Variants in ABCA13 observed in about 807,000 individuals in gnomAD.
The protein encoded by ABCA13 is ATP binding cassette subfamily A member 13.
A neutral mutation model predicts 478.7 loss-of-function variants in ABCA13; 476 were observed. The ratio of observed to expected loss-of-function variants is 0.99; its 90% CI spans 0.92 to 1.07. The LOEUF is 1.07. Among genes scored for constraint, ABCA13 ranks in the 50% least tolerant of loss-of-function variants. The probability of loss-of-function intolerance (pLI) is 0.00; values close to 1 mark genes in which losing one functional copy is unlikely to be tolerated. For synonymous variants in ABCA13, 2,252 were observed against 2,158.9 expected (o/e 1.04, Z -1.20); for missense variants, 6,060 against 5,910.6 (o/e 1.03, Z -0.83).
At chr7:48,191,659 C>T (rs567580819) in intron 1 of ABCA13, among the ~76,000 whole-genome samples, 47 of 152,306 alleles carry the variant, frequency 3.1e-4, no homozygotes, top group Non-Finnish European at 6.0e-4. Context: ...CCGTCTGCCT[C>T]GGCCTCCCAG....
chr7:48,203,409 G>A (rs12718306), intron 3 of ABCA13, among the ~76,000 whole-genome samples: 30,591 of 151,736 alleles, frequency 0.2, 3,338 homozygotes, highest in Middle Eastern at 0.26. Flanking sequence ...CACCAAAGTA[G>A]GAGCCCAGGC....
intron 55 of ABCA13, among the ~76,000 whole-genome samples, chr7:48,575,738 C>G (rs1163238074): frequency 1.3e-5 from 2 of 152,010 alleles, no homozygotes; most frequent in Non-Finnish European, 2.9e-5. Flanking sequence ...GCTTTTGGTA[C>G]AACATTTAAA....
At chr7:48,534,976 T>C (rs960153060) in intron 55 of ABCA13, among the ~76,000 whole-genome samples, 1 of 152,216 alleles carries the variant, frequency 6.6e-6, no homozygotes, top group Non-Finnish European at 1.5e-5. Context: ...CTTGGTTAGC[T>C]TAATAATTGA....
intron 14 of ABCA13, 98 bp downstream of exon 14, chr7:48,248,542 A>G (rs1792049448): frequency 2.0e-6 from 2 of 988,100 alleles, no homozygotes; most frequent in Non-Finnish European, 2.8e-6. Flanking sequence ...ATGGTAGATT[A>G]TATTTTGAAT....
Position 48,273,408 on chromosome 7 carries a change from C to G in ABCA13, c.3742C>G (p.Leu1248Val), listed in dbSNP as rs1300013661. ...LGNALVSVKK[L>V]NLEQVEKSLF... ...TAATGCATTAGTTTCAGTAAAAAAA[C>G]TTAACTTGGAGCAAGTGGAGAAATC... The change falls in exon 17 of 62, where the codon CTT becomes GTT. Residue 1248 changes from leucine to valine, a missense_variant. Transcript: ENST00000435803. 1.9e-6 allele frequency: 3 copies of G among 1,613,338 alleles called. No homozygotes were observed. In the African/African-American group the frequency reaches 4.0e-5, roughly 22 times the overall value.
intron 55 of ABCA13, among the ~76,000 whole-genome samples, chr7:48,563,051 C>T (rs1786631655): frequency 6.6e-6 from 1 of 151,738 alleles, no homozygotes; most frequent in African/African-American, 2.4e-5. Flanking sequence ...TTAGCATTTG[C>T]ATTTGGCATG....
At chr7:48,515,590 A>G (rs539435067) in intron 51 of ABCA13, among the ~76,000 whole-genome samples, 1 of 152,212 alleles carries the variant, frequency 6.6e-6, no homozygotes, top group African/African-American at 2.4e-5. Context: ...ATGTTCATCT[A>G]CTTATCACCT....
chr7:48,240,313 C>T (rs946835121), intron 9 of ABCA13, among the ~76,000 whole-genome samples: 1 of 152,188 alleles, frequency 6.6e-6, no homozygotes, highest in African/African-American at 2.4e-5. Flanking sequence ...GGTAACATAA[C>T]TCATGGTTAA....
In ABCA13 at chr7:48,178,988, T is replaced by C. The variant is rs879425711; in HGVS notation, c.69+7436T>C. Reference sequence around the variant, plus strand: ...GCAAAACAAAAACTAATAATAATAATAATAATAATAATAATAATAATAATA... The same window carrying C: ...GCAAAACAAAAACTAATAATAATAACAATAATAATAATAATAATAATAATA... On this transcript the variant is annotated intron_variant, in intron 1 of 61. Coordinates refer to ENST00000435803, the MANE Select transcript of ABCA13 (RefSeq NM_152701.5). Among the ~76,000 whole-genome samples the C allele has an allele frequency of 6.5e-3, 954 of 146,506 alleles. 9 individuals are homozygous for C. The highest frequency in any genetic ancestry group is 0.012 in the South Asian group (56 of 4,646).
intron 42 of ABCA13, among the ~76,000 whole-genome samples, chr7:48,429,610 A>G (rs920867480): frequency 2.0e-5 from 3 of 152,198 alleles, no homozygotes; most frequent in Non-Finnish European, 4.4e-5. Context: ...TTTTTTGTCC[A>G]TTATTAAAAT....
chr7:48,435,897 A>T (rs185076305), intron 42 of ABCA13, among the ~76,000 whole-genome samples: 6 of 148,726 alleles, frequency 4.0e-5, no homozygotes, highest in Non-Finnish European at 7.4e-5. Flanking sequence ...ATTTTAATAT[A>T]CTGTCAAATT....
At chr7:48,233,289 A>G (rs1320182282) in intron 7 of ABCA13, among the ~76,000 whole-genome samples, 1 of 152,164 alleles carries the variant, frequency 6.6e-6, no homozygotes, top group Non-Finnish European at 1.5e-5. Flanking sequence ...TTGAATCATC[A>G]TGATCTGAAA....
intron 27 of ABCA13, among the ~76,000 whole-genome samples, chr7:48,328,480 C>G (rs557486822): frequency 4.6e-5 from 7 of 152,090 alleles, no homozygotes; most frequent in Non-Finnish European, 8.8e-5. Context: ...TTGATATAAC[C>G]TCCTATAAAA....
chr7:48,444,859 A>T (rs1390414173), intron 42 of ABCA13, among the ~76,000 whole-genome samples: 1 of 152,108 alleles, frequency 6.6e-6, no homozygotes, highest in Non-Finnish European at 1.5e-5. Context: ...CTTAGAGAAT[A>T]TTGCTGCTCT....
chr7:48,446,631 G>T lies in ABCA13; in HGVS notation c.12566-8406G>T, dbSNP rs1585360059. On this transcript the variant is annotated intron_variant, in intron 42 of 61. Coordinates refer to ENST00000435803, the MANE Select transcript of ABCA13 (RefSeq NM_152701.5). The stretch of plus-strand genomic sequence containing the variant: ...TTTGCTTTTTAAGACAATTCTATTT[G>T]CACAGCCCATCCTATGAAGGGCTAG... Among the ~76,000 whole-genome samples, 4 of 152,218 alleles carry T rather than the reference G, an allele frequency of 2.6e-5. No homozygotes were observed. The South Asian group carries it at 8.3e-4, about 32-fold the overall frequency.
intron 47 of ABCA13, among the ~76,000 whole-genome samples, chr7:48,486,776 G>A (rs912618286): frequency 6.6e-6 from 1 of 152,302 alleles, no homozygotes; most frequent in East Asian, 1.9e-4. Flanking sequence ...GAACATGTGT[G>A]TGGTATTGGC....
chr7:48,508,830 G>A (rs74421696), intron 50 of ABCA13, among the ~76,000 whole-genome samples: 4,205 of 152,242 alleles, frequency 0.028, 80 homozygotes, highest in East Asian at 0.081. Flanking sequence ...ACAAATTTCC[G>A]CATATTAACA....
At chr7:48,498,716 T>C (rs186345875) in intron 48 of ABCA13, among the ~76,000 whole-genome samples, 1 of 152,210 alleles carries the variant, frequency 6.6e-6, no homozygotes, top group African/African-American at 2.4e-5. Flanking sequence ...GATATGCTCA[T>C]ATAGAATGTG....
At chr7:48,278,023 T>TATAAATACTTAATATAAATATTAA in intron 17 of ABCA13, 71 bp from the exon 18 acceptor site, 1 of 499,094 alleles carries the variant, frequency 2.0e-6, no homozygotes, top group Non-Finnish European at 3.0e-6. Flanking sequence ...TAAATCACTA[T>TATAAATACTTAATATAAATATTAA]GTATCTTAAT....
Sources: allele counts gnomAD v4.1 joint callset (sites outside exome capture counted in the v4.1 genomes callset), GRCh38; gene constraint gnomAD v4.1.1; transcripts MANE v1.5; gene names NCBI Gene and HGNC (gene_info 2026-07-23, HGNC 2026-07-21).